The following VAV2 variants were observed in gnomAD, a reference collection of about 807,000 sequenced individuals.
The protein encoded by VAV2 is guanine nucleotide exchange factor VAV2.
VAV2 carries 67 observed loss-of-function variants against 132.5 expected under a neutral mutation model. That is an observed-to-expected ratio of 0.51 (90% CI 0.42 to 0.62). VAV2 has a LOEUF of 0.62. Ranked by LOEUF, VAV2 falls within the 20% of genes least tolerant of loss-of-function variation. VAV2 has a pLI of 0.00. For synonymous variants in VAV2, 492 were observed against 443.5 expected (o/e 1.11, Z -1.37); for missense variants, 938 against 1,153.6 (o/e 0.81, Z 2.71).
chr9:133,966,695 G>A (rs1842150355), intron 1 of VAV2, among the ~76,000 whole-genome samples: 1 of 151,096 alleles, frequency 6.6e-6, no homozygotes, highest in Non-Finnish European at 1.5e-5. Context: ...GCAAGATCCT[G>A]ACTCAAAAAA....
intron 4 of VAV2, among the ~76,000 whole-genome samples, chr9:133,821,349 T>C (rs72762848): frequency 2.0e-5 from 3 of 152,312 alleles, no homozygotes; most frequent in Non-Finnish European, 2.9e-5. Context: ...CCTGAGCCCC[T>C]GGAGGGGAGG....
intron 2 of VAV2, among the ~76,000 whole-genome samples, chr9:133,888,954 C>G (rs2073883): frequency 5.9e-5 from 9 of 152,076 alleles, no homozygotes; most frequent in East Asian, 3.9e-4. Context: ...GGAGACGACA[C>G]GAACAGCATG....
intron 2 of VAV2, among the ~76,000 whole-genome samples, chr9:133,902,966 T>C (rs749385431): frequency 6.7e-5 from 10 of 149,988 alleles, no homozygotes; most frequent in Non-Finnish European, 1.3e-4. Flanking sequence ...TCCCAGCTAC[T>C]AGGGAGGCTA....
rs1834639837 is a variant in VAV2, at chr9:133,794,728, C to A, written c.1101+940G>T. 1.3e-5 allele frequency among the ~76,000 whole-genome samples: 2 copies of A among 152,174 alleles called. No individual in the cohort carries two copies. Among genetic ancestry groups the A allele is most frequent in the African/African-American group, 2.4e-5 (1 of 41,444 alleles). On this transcript the variant is annotated intron_variant, in intron 12 of 29. Transcript: ENST00000371850. The surrounding 1 kb of genome is among the most constrained non-coding windows in gnomAD (Gnocchi z 4.6). ...GTGGGGGGGGTCGTCATCCCTCCAC[C>A]CAGATGCAGCTGGAGGGGACCTACC...
chr9:133,814,311 C>G (rs1046690414), intron 4 of VAV2, among the ~76,000 whole-genome samples: 1 of 152,276 alleles, frequency 6.6e-6, no homozygotes, highest in Non-Finnish European at 1.5e-5. Context: ...GCCCCCACCT[C>G]TCTGCCCGCC....
intron 1 of VAV2, among the ~76,000 whole-genome samples, chr9:133,975,936 A>G (rs1357333001): frequency 6.6e-6 from 1 of 151,934 alleles, no homozygotes; most frequent in Non-Finnish European, 1.5e-5. Context: ...CATGGCTCAC[A>G]CCTGTAATCC....
At chr9:133,817,964 G>T (rs1338125098) in intron 4 of VAV2, among the ~76,000 whole-genome samples, 3 of 152,104 alleles carry the variant, frequency 2.0e-5, no homozygotes, top group African/African-American at 7.2e-5. Flanking sequence ...TCTGTGAGGG[G>T]GTTTCCAGAA....
At chr9:133,839,695 C>A (rs574652409) in intron 3 of VAV2, among the ~76,000 whole-genome samples, 5 of 152,132 alleles carry the variant, frequency 3.3e-5, no homozygotes, top group Non-Finnish European at 4.4e-5. Context: ...GTGATCCGCC[C>A]GCCTCAGCCT....
rs1838595738 is a variant in VAV2, at chr9:133,883,830, A to G, written c.322-22398T>C. Among the ~76,000 whole-genome samples, 1 of 152,160 alleles carries G rather than the reference A, an allele frequency of 6.6e-6. No homozygotes were observed. Among genetic ancestry groups the G allele is most frequent in the Non-Finnish European group, 1.5e-5 (1 of 68,008 alleles). ...ACTTGAGGTCCACAGGTGACTAGCA[A>G]CTTTGCTTAAATTGATTCTAGTAGG... is the stretch of plus-strand genomic sequence containing the variant. On this transcript the variant is annotated intron_variant, in intron 2 of 29. Coordinates refer to ENST00000371850, the MANE Select transcript of VAV2 (RefSeq NM_001134398.2). The surrounding 1 kb of genome is among the most constrained non-coding windows in gnomAD (Gnocchi z 4.2).
chr9:133,861,573 T>C, intron 2 of VAV2, 141 bp from the exon 3 acceptor site: 1 of 881,034 alleles, frequency 1.1e-6, no homozygotes, highest in South Asian at 2.0e-5. Flanking sequence ...GGCATAGCGT[T>C]TTGTAGGCTA....
chr9:133,904,695 C>A (rs985011332), intron 2 of VAV2, among the ~76,000 whole-genome samples: 4 of 152,250 alleles, frequency 2.6e-5, no homozygotes, highest in Non-Finnish European at 4.4e-5. Flanking sequence ...AGGTGTGCAG[C>A]CAGGGCTCCG....
chr9:133,843,731 T>A (rs941506094), intron 3 of VAV2, among the ~76,000 whole-genome samples: 2 of 152,168 alleles, frequency 1.3e-5, no homozygotes, highest in African/African-American at 4.8e-5. Flanking sequence ...AGGGGGTAGA[T>A]GAAGACTCAA....
Position 133,780,729 on chromosome 9 carries a change from A to G in VAV2, c.1724-19T>C. On this transcript the variant is annotated intron_variant, in intron 19 of 29. Coordinates refer to ENST00000371850, the MANE Select transcript of VAV2 (RefSeq NM_001134398.2). ...GGAGAAGCTGGAAAGGAAGCAGGTC[A>G]GGTGTTAGAGGGGAGGCCACCGACG... is the stretch of plus-strand genomic sequence containing the variant. 1 of 1,270,004 alleles carries G rather than the reference A, an allele frequency of 7.9e-7. No homozygotes were observed. Among genetic ancestry groups the G allele is most frequent in the South Asian group, 3.3e-5 (1 of 30,032 alleles). 78.7% of individuals were successfully genotyped at this position (1,270,004 alleles called of 1,614,324 possible).
Position 133,806,179 on chromosome 9 carries a change from G to A in VAV2, c.738C>T (p.Asp246=), listed in dbSNP as rs755713673. 2.5e-6 allele frequency: 4 copies of A among 1,611,246 alleles called. No individual in the cohort carries two copies. In the East Asian group the frequency reaches 6.7e-5, roughly 27 times the overall value. The change falls in exon 9 of 30, where the codon GAC becomes GAT. Residue 246 remains aspartate (D), a splice_region_variant and synonymous_variant. Transcript: ENST00000371850. ...DMAAVFINLE[D]LIKVHHSFLR... ...GGAAGCTGTGATGCACCTTGATCAG[G>A]TCCTGGGTTGAAAACCAGCCGTGAG... is the stretch of plus-strand genomic sequence containing the variant.
chr9:133,781,568 A>G (rs1834008317), intron 19 of VAV2, among the ~76,000 whole-genome samples: 1 of 152,226 alleles, frequency 6.6e-6, no homozygotes, highest in African/African-American at 2.4e-5. Context: ...AGAGGCCAGC[A>G]TCTCTCCGGG....
intron 3 of VAV2, among the ~76,000 whole-genome samples, chr9:133,854,027 C>A (rs1343004264): frequency 1.2e-4 from 18 of 152,144 alleles, no homozygotes; most frequent in Admixed American, 1.2e-3. Context: ...CGTGTGCACA[C>A]ACACACACCC....
At chr9:133,811,818 G>A (rs7034764) in intron 5 of VAV2, among the ~76,000 whole-genome samples, 3,443 of 152,312 alleles carry the variant, frequency 0.023, 50 homozygotes, top group East Asian at 0.056. Flanking sequence ...ATGGCAACAC[G>A]GGCGGGGGTC....
intron 3 of VAV2, among the ~76,000 whole-genome samples, chr9:133,855,087 T>C (rs2428129): frequency 0.25 from 37,828 of 151,328 alleles, 6,473 homozygotes; most frequent in African/African-American, 0.49. Context: ...TGGAAGAGAG[T>C]GGAGAGAGCA....
intron 24 of VAV2, 108 bp from the exon 25 acceptor site, chr9:133,775,159 T>G: frequency 1.2e-6 from 1 of 865,190 alleles, no homozygotes; most frequent in East Asian, 2.7e-5. Flanking sequence ...GCAGTCCTCA[T>G]CTGAGAGCTC....
Sources: gnomAD v4.1 joint callset for allele counts (sites outside exome capture counted in the v4.1 genomes callset) on GRCh38, gnomAD v4.1.1 for gene constraint, Gnocchi (gnomAD v3.1) non-coding constraint, MANE v1.5 for transcripts, NCBI Gene and HGNC (gene_info 2026-07-23, HGNC 2026-07-21) for gene names.